C1D: variants seen among roughly 807,000 people sequenced by gnomAD.
C1D encodes nuclear nucleic acid-binding protein C1D.
C1D carries 10 observed loss-of-function variants against 17.5 expected under a neutral mutation model. The ratio of observed to expected loss-of-function variants is 0.57; its 90% CI spans 0.35 to 0.97. The LOEUF (loss-of-function observed/expected upper bound fraction) is 0.97. C1D is among the 50% of genes least tolerant of loss of function. The pLI is 0.01. For synonymous variants in C1D, 49 were observed against 54.0 expected (o/e 0.91, Z 0.40); for missense variants, 136 against 160.1 (o/e 0.85, Z 0.81).
chr2:68,062,736 T>C (rs1053803925), intron 1 of C1D, among the ~76,000 whole-genome samples: 2 of 151,924 alleles, frequency 1.3e-5, no homozygotes, highest in Non-Finnish European at 1.5e-5. Context: ...GGGGCCGGGG[T>C]AAGCCAAAGC....
intron 1 of C1D, among the ~76,000 whole-genome samples, chr2:68,051,324 A>G (rs1250221371): frequency 1.3e-5 from 2 of 152,034 alleles, no homozygotes; most frequent in African/African-American, 4.8e-5. Context: ...TTCGAGACCA[A>G]CCTGGGCAAC....
chr2:68,050,490 A>G (rs757963050), intron 1 of C1D, among the ~76,000 whole-genome samples: 1 of 152,110 alleles, frequency 6.6e-6, no homozygotes, highest in African/African-American at 2.4e-5. Context: ...AAGGTCACCC[A>G]CACTACCACA....
At chr2:68,045,633 C>T (rs1003945831) in intron 4 of C1D, among the ~76,000 whole-genome samples, 2 of 151,880 alleles carry the variant, frequency 1.3e-5, no homozygotes, top group South Asian at 2.1e-4. Flanking sequence ...GAAACTTTCC[C>T]GTCTTTGCTA....
chr2:68,044,909 G>A (rs1217775880), intron 4 of C1D, among the ~76,000 whole-genome samples: 1 of 152,030 alleles, frequency 6.6e-6, no homozygotes, highest in African/African-American at 2.4e-5. Context: ...GAAATTGTAT[G>A]CAAAGTCTAT....
chr2:68,059,828 G>C (rs1489903189), intron 1 of C1D, among the ~76,000 whole-genome samples: 5 of 152,074 alleles, frequency 3.3e-5, no homozygotes, highest in South Asian at 2.1e-4. Context: ...TCTCTTTTCT[G>C]TCTACATTTA....
rs950240957 is a variant in C1D at position 68,055,157 on chromosome 2, G to A, written c.-10+7801C>T. ...AAATGACAACTTAAAAAAGAATCAC[G>A]ACTTTGCAACGCCTAATGAAATTGT... On this transcript the variant is annotated intron_variant, in intron 1 of 4. Transcript: ENST00000410067. 2.6e-5 allele frequency among the ~76,000 whole-genome samples: 4 copies of A among 151,920 alleles called. 1 individual carries two copies. Among genetic ancestry groups the A allele is most frequent in the Non-Finnish European group, 2.9e-5 (2 of 67,994 alleles).
chr2:68,058,976 A>G (rs1483919178), intron 1 of C1D, among the ~76,000 whole-genome samples: 1 of 152,156 alleles, frequency 6.6e-6, no homozygotes, highest in East Asian at 1.9e-4. Flanking sequence ...CTTTCCCTCT[A>G]CTTGGAATAC....
intron 1 of C1D, among the ~76,000 whole-genome samples, chr2:68,060,004 T>C (rs748557122): frequency 6.6e-6 from 1 of 152,186 alleles, no homozygotes; most frequent in Non-Finnish European, 1.5e-5. Context: ...CAAAAACTTA[T>C]CATGTCCTTA....
Position 68,047,282 on chromosome 2 carries a change from T to C in C1D, c.29A>G (p.Tyr10Cys), listed in dbSNP as rs759777782. The C allele has an allele frequency of 1.2e-6, 2 of 1,611,064 alleles. No individual in the cohort carries two copies. The highest frequency in any genetic ancestry group is 1.7e-5 in the Admixed American group (1 of 59,550). The change falls in exon 2 of 5, where the codon TAT becomes TGT. Residue 10 changes from tyrosine (Y) to cysteine (C), a missense_variant. Coordinates refer to ENST00000410067, the MANE Select transcript of C1D (RefSeq NM_173177.3). ...CAAATACTCGTGAATTTCTACTGGA[T>C]AGTCTTCATTAATTTCTTCACCTGC... MAGEEINEDYPVEIHEYLSA... is the reference protein window; with the variant it reads MAGEEINEDCPVEIHEYLSA...
At position 68,059,386 on chromosome 2, in the gene C1D, G is replaced by A. The variant is rs145885640; in HGVS notation, c.-10+3572C>T. Reference sequence around the variant, plus strand: ...TCATATCAACCTCCTCTTCATAACAGTCTCCATTTTCTTGGCCTAGTGAAA... The same window carrying A: ...TCATATCAACCTCCTCTTCATAACAATCTCCATTTTCTTGGCCTAGTGAAA... On this transcript the variant is annotated intron_variant, in intron 1 of 4. Transcript: ENST00000410067. 2.6e-3 allele frequency among the ~76,000 whole-genome samples: 402 copies of A among 152,234 alleles called. 3 individuals are homozygous for A. Among genetic ancestry groups the A allele is most frequent in the African/African-American group, 9.2e-3 (382 of 41,526 alleles).
chr2:68,059,443 C>G (rs1042094177), intron 1 of C1D, among the ~76,000 whole-genome samples: 1 of 152,168 alleles, frequency 6.6e-6, no homozygotes, highest in Admixed American at 6.5e-5. Flanking sequence ...ACCTCAAATG[C>G]TCCCTCCTCT....
chr2:68,050,308 A>C (rs973246579), intron 1 of C1D, among the ~76,000 whole-genome samples: 23 of 152,162 alleles, frequency 1.5e-4, no homozygotes, highest in Admixed American at 3.9e-4. Context: ...AACAAAAAAA[A>C]AAAAAATTTC....
chr2:68,061,929 T>C (rs1189673658), intron 1 of C1D, among the ~76,000 whole-genome samples: 1 of 152,258 alleles, frequency 6.6e-6, no homozygotes, highest in African/African-American at 2.4e-5. Flanking sequence ...TATTCACACT[T>C]GTCACTATCT....
Position 68,047,170 on chromosome 2 carries a change from T to C in C1D, c.138+3A>G. The C allele has an allele frequency of 1.3e-6, 2 of 1,591,976 alleles. No homozygotes were observed. The highest frequency in any genetic ancestry group is 1.9e-5 in the Admixed American group (1 of 54,012). ...TTTTTAGGAAATTACATTTTTAAAA[T>C]ACCTTCTGCAACAACTCATTTCTAG... On this transcript the variant is annotated splice_donor_region_variant and intron_variant, in intron 2 of 4. Transcript: ENST00000410067.
Position 68,047,173 on chromosome 2 carries a change from C to G in C1D, c.138G>C (p.Lys46Asn). 3 of 1,594,356 alleles carry G rather than the reference C, an allele frequency of 1.9e-6. No individual in the cohort carries two copies. The highest frequency in any genetic ancestry group is 1.7e-6 in the Non-Finnish European group (2 of 1,174,312). ...TTAGGAAATTACATTTTTAAAATACCTTCTGCAACAACTCATTTCTAGAAA... is the reference window on the plus strand; with the variant it reads ...TTAGGAAATTACATTTTTAAAATACGTTCTGCAACAACTCATTTCTAGAAA... ...MSVSRNELLQKLDPLEQAKVD... is the reference protein window; with the variant it reads ...MSVSRNELLQNLDPLEQAKVD... The change falls in exon 2 of 5, where the codon AAG (lysine) becomes AAC (asparagine). Residue 46 changes from lysine to asparagine, a missense_variant and splice_region_variant. Physicochemically the swap from Lys to Asn is moderately conservative, Grantham distance 94. Coordinates refer to ENST00000410067, the MANE Select transcript of C1D (RefSeq NM_173177.3).
Position 68,042,847 on chromosome 2 carries a change from G to A in C1D, c.*42C>T, listed in dbSNP as rs759724965. 692 of 317,240 alleles carry A rather than the reference G, an allele frequency of 2.2e-3. 31 individuals carry two copies. Among genetic ancestry groups the A allele is most frequent in the African/African-American group, 0.021 (514 of 24,782 alleles). 19.7% of individuals were successfully genotyped at this position (317,240 alleles called of 1,614,324 possible). A position where few individuals can be genotyped will look rare whatever the true frequency, so the allele number is the denominator to read the frequency against. ...ATTTTGCGGGGGGGGGGGGGGGGGG[G>A]AAGATGTACTTTTTGAATATGTGTA... is the stretch of plus-strand genomic sequence containing the variant. On this transcript the variant is annotated 3_prime_UTR_variant, in exon 5 of 5. Transcript: ENST00000410067.
chr2:68,061,169 T>C (rs1489448130), intron 1 of C1D, among the ~76,000 whole-genome samples: 1 of 152,218 alleles, frequency 6.6e-6, no homozygotes, highest in Non-Finnish European at 1.5e-5. Flanking sequence ...AGAATTCTAT[T>C]ACTGTAATGA....
rs1041871877 is a variant in C1D, at chr2:68,053,101, C to T, written c.-9-5782G>A. On this transcript the variant is annotated intron_variant, in intron 1 of 4. Transcript: ENST00000410067. Reference sequence around the variant, plus strand: ...ACCCTCCTCCGGGGTTCTATAGGTACTCCTTGCCCTTCCACATACTCCTTC... The same window carrying T: ...ACCCTCCTCCGGGGTTCTATAGGTATTCCTTGCCCTTCCACATACTCCTTC... The T allele has an allele frequency of 1.5e-5, 24 of 1,550,752 alleles. No individual in the cohort carries two copies. The African/African-American group carries it at 2.5e-4, about 16-fold the overall frequency.
intron 1 of C1D, among the ~76,000 whole-genome samples, chr2:68,057,558 A>C (rs1324144390): frequency 3.9e-5 from 6 of 152,206 alleles, no homozygotes; most frequent in Non-Finnish European, 8.8e-5. Flanking sequence ...GAAGCTGTTA[A>C]CTGTGGTCAC....
Sources: allele counts gnomAD v4.1 joint callset (sites outside exome capture counted in the v4.1 genomes callset), GRCh38; gene constraint gnomAD v4.1.1; transcripts MANE v1.5; gene names NCBI Gene and HGNC (gene_info 2026-07-23, HGNC 2026-07-21).